Variants in SLC39A14 observed in about 807,000 individuals in gnomAD.
SLC39A14 encodes metal cation symporter ZIP14.
SLC39A14 carries 19 observed loss-of-function variants against 45.5 expected under a neutral mutation model. The ratio of observed to expected loss-of-function variants is 0.42; its 90% CI spans 0.29 to 0.61. The LOEUF (loss-of-function observed/expected upper bound fraction) is 0.61. SLC39A14 is among the 20% of genes least tolerant of loss of function. The pLI, the probability that SLC39A14 is intolerant of heterozygous loss-of-function variation, is 0.22. For missense variants in SLC39A14, 447 were observed against 616.5 expected, an observed-to-expected ratio of 0.73 and a Z score of 2.91; for synonymous variants, 264 against 251.3, an observed-to-expected ratio of 1.05 and a Z score of -0.48.
At chr8:22,399,365 C>T (rs939138694) in intron 1 of SLC39A14, among the ~76,000 whole-genome samples, 3 of 152,250 alleles carry the variant, frequency 2.0e-5, no homozygotes, top group Admixed American at 2.0e-4. Context: ...AGACAAGACT[C>T]CACTGGAGCA....
rs75886391 is a variant in SLC39A14, at chr8:22,421,586, C to T, written c.*1888C>T. On this transcript the variant is annotated 3_prime_UTR_variant, in exon 9 of 9. Transcript: ENST00000381237. The stretch of plus-strand genomic sequence containing the variant: ...TGTCATTATTATTGTTGTTTTTAAA[C>T]GGTTCTTTGTCTTTTCTGTTTTATT... 3.8e-5 allele frequency: 37 copies of T among 985,568 alleles called. No individual in the cohort carries two copies. Among genetic ancestry groups the T allele is most frequent in the South Asian group, 9.4e-5 (2 of 21,280 alleles). The allele number at this position is 985,568 out of a possible 1,614,324, so 61.1% of individuals were successfully genotyped here.
chr8:22,410,093 C>CG, intron 3 of SLC39A14: 2 of 1,614,138 alleles, frequency 1.2e-6, no homozygotes, highest in Non-Finnish European at 8.5e-7. Context: ...CTGTCTAACG[C>CG]GCTATTCCAG....
In SLC39A14 at chr8:22,422,405, CTGTT is replaced by C. The variant is rs1836279309; in HGVS notation, c.*2710_*2713del. On this transcript the variant is annotated 3_prime_UTR_variant, in exon 9 of 9. Transcript: ENST00000381237. ...CTTGGGTTTTAAAAAGAAGGCTTCT[CTGTT>C]TGGGTAGCGTAAGAGCTGAGTATAG... is the stretch of plus-strand genomic sequence containing the variant. 3 of 985,842 alleles carry C rather than the reference CTGTT, an allele frequency of 3.0e-6. No homozygotes were observed. The highest frequency in any genetic ancestry group is 3.6e-6 in the Non-Finnish European group (3 of 829,926). The allele number at this position is 985,842 out of a possible 1,614,324, so 61.1% of individuals were successfully genotyped here.
intron 8 of SLC39A14, among the ~76,000 whole-genome samples, chr8:22,433,446 T>C (rs1836497573): frequency 6.6e-6 from 1 of 151,756 alleles, no homozygotes; most frequent in Non-Finnish European, 1.5e-5. Context: ...GACCTCAAAC[T>C]CCTGGGCTCA....
In SLC39A14 at chr8:22,419,784, A is replaced by G. The variant is rs938153060; in HGVS notation, c.*86A>G. 1.3e-6 allele frequency: 2 copies of G among 1,483,910 alleles called. No individual in the cohort carries two copies. The highest frequency in any genetic ancestry group is 8.9e-7 in the Non-Finnish European group (1 of 1,119,450). 91.9% of individuals were successfully genotyped at this position (1,483,910 alleles called of 1,614,324 possible). ...GAGGACTTACCATCCACAATGCACC[A>G]CGGAAGAGGCCGTTCTATGAAAAAC... is the stretch of plus-strand genomic sequence containing the variant. On this transcript the variant is annotated 3_prime_UTR_variant, in exon 9 of 9. Transcript: ENST00000381237.
exon 9 of SLC39A14, chr8:22,433,909 G>C (rs566298999): frequency 3.6e-4 from 146 of 403,726 alleles, no homozygotes; most frequent in Admixed American, 7.6e-4. Context: ...TTGCTCTGTT[G>C]CCCAGGCTGG....
downstream of SLC39A14, among the ~76,000 whole-genome samples, chr8:22,423,458 C>T (rs1836322527): frequency 6.6e-6 from 1 of 151,946 alleles, no homozygotes; most frequent in Non-Finnish European, 1.5e-5. Context: ...GCTTCAGCCT[C>T]CCGAGTAGCT....
chr8:22,422,563 G>A lies in SLC39A14; in HGVS notation c.*2865G>A, dbSNP rs1836289674. 1.0e-6 allele frequency: 1 copy of A among 985,076 alleles called. No individual in the cohort carries two copies. The highest frequency in any genetic ancestry group is 1.7e-5 in the African/African-American group (1 of 57,200). 61.0% of individuals were successfully genotyped at this position (985,076 alleles called of 1,614,324 possible). A position where few individuals can be genotyped will look rare whatever the true frequency, so the allele number is the denominator to read the frequency against. ...TTTACAGTTCTGCAGTTCCATCACA[G>A]TATTTTTTTAAATAACTCAGGTGTA... On this transcript the variant is annotated 3_prime_UTR_variant, in exon 9 of 9. Transcript: ENST00000381237.
intron 1 of SLC39A14, among the ~76,000 whole-genome samples, chr8:22,386,108 T>G (rs1833777204): frequency 6.7e-6 from 1 of 149,850 alleles, no homozygotes; most frequent in African/African-American, 2.5e-5. Context: ...CCTGGCTAAT[T>G]TTTTGTATTT....
intron 1 of SLC39A14, among the ~76,000 whole-genome samples, chr8:22,370,099 A>G (rs1832846397): frequency 6.6e-6 from 1 of 152,144 alleles, no homozygotes; most frequent in African/African-American, 2.4e-5. Context: ...GGCTGATGGT[A>G]GCCAGGAAGG....
chr8:22,371,434 T>TAAATAA (rs1832928464), intron 1 of SLC39A14, among the ~76,000 whole-genome samples: 2 of 136,172 alleles, frequency 1.5e-5, no homozygotes, highest in East Asian at 2.1e-4. Context: ...TTTTTTTTTT[T>TAAATAA]TTTTTTTTTT....
Position 22,409,282 on chromosome 8 carries a change from C to G in SLC39A14, c.457+786C>G, listed in dbSNP as rs928392458. Among the ~76,000 whole-genome samples, 3 of 152,198 alleles carry G rather than the reference C, an allele frequency of 2.0e-5. No homozygotes were observed. In the East Asian group the frequency reaches 5.8e-4, roughly 29 times the overall value. The stretch of plus-strand genomic sequence containing the variant: ...ATAGCCCTAAGCCCCATAGGGCCGG[C>G]GTGTGCTGCCTGAGTGTCGGCACCC... On this transcript the variant is annotated intron_variant, in intron 3 of 8. Transcript: ENST00000381237.
At chr8:22,400,470 T>A (rs1006840512) in intron 1 of SLC39A14, among the ~76,000 whole-genome samples, 5 of 152,338 alleles carry the variant, frequency 3.3e-5, no homozygotes, top group South Asian at 4.1e-4. Flanking sequence ...CATCGACAGT[T>A]CACAGTCTGC....
At chr8:22,378,399 A>T (rs1246443010) in intron 1 of SLC39A14, among the ~76,000 whole-genome samples, 1 of 152,198 alleles carries the variant, frequency 6.6e-6, no homozygotes, top group African/African-American at 2.4e-5. Context: ...TTGGGTTTTC[A>T]GGGCCTCTGC....
At chr8:22,384,015 G>A (rs1416368436) in intron 1 of SLC39A14, among the ~76,000 whole-genome samples, 1 of 152,142 alleles carries the variant, frequency 6.6e-6, no homozygotes, top group Non-Finnish European at 1.5e-5. Context: ...CTCAGTTCCT[G>A]TTCCCAGCTC....
At chr8:22,393,712 C>T (rs548425263) in intron 1 of SLC39A14, among the ~76,000 whole-genome samples, 2 of 152,266 alleles carry the variant, frequency 1.3e-5, no homozygotes, top group African/African-American at 4.8e-5. Flanking sequence ...TTCTCTGTCA[C>T]CCAGGCTGGG....
chr8:22,371,024 C>A (rs1484530847), intron 1 of SLC39A14, among the ~76,000 whole-genome samples: 2 of 152,156 alleles, frequency 1.3e-5, no homozygotes, highest in African/African-American at 4.8e-5. Context: ...GTTCCCCCCT[C>A]CCCCCACTAC....
At chr8:22,384,969 G>A (rs1328397665) in intron 1 of SLC39A14, among the ~76,000 whole-genome samples, 1 of 151,506 alleles carries the variant, frequency 6.6e-6, no homozygotes, top group Non-Finnish European at 1.5e-5. Flanking sequence ...AGAATTGCTT[G>A]AACCCGGGAG....
rs548164733 is a variant in SLC39A14 at position 22,404,748 on chromosome 8, G to A, written c.38G>A (p.Cys13Tyr). The change falls in exon 2 of 9, where the codon TGC becomes TAC. Residue 13 changes from cysteine (C) to tyrosine (Y), a missense_variant. Coordinates refer to ENST00000381237, the MANE Select transcript of SLC39A14 (RefSeq NM_001128431.4). ...CTGCTGCACCCGGCCTTCCAGAGCT[G>A]CCTCCTGCTGACCCTGCTTGGCTTA... ...LLLLHPAFQS[C>Y]LLLTLLGLWR... The A allele has an allele frequency of 4.3e-6, 7 of 1,613,676 alleles. No homozygotes were observed. In the East Asian group the frequency reaches 1.6e-4, roughly 36 times the overall value.
Sources: gnomAD v4.1 joint callset for allele counts (sites outside exome capture counted in the v4.1 genomes callset) on GRCh38, gnomAD v4.1.1 for gene constraint, MANE v1.5 for transcripts, NCBI Gene and HGNC (gene_info 2026-07-23, HGNC 2026-07-21) for gene names.